The following ASAP1 variants were observed in gnomAD, a reference collection of about 807,000 sequenced individuals.
The protein encoded by ASAP1 is arf-GAP with SH3 domain, ANK repeat and PH domain-containing protein 1.
In ASAP1, 43 loss-of-function variants were observed where a neutral mutation model predicts 145.2. The observed-to-expected ratio is 0.30, with a 90% confidence interval of 0.23 to 0.38. The LOEUF (loss-of-function observed/expected upper bound fraction) is 0.38, where lower values mean the gene tolerates loss of function less well. Among genes scored for constraint, ASAP1 ranks in the 10% least tolerant of loss-of-function variants. The pLI, the probability that ASAP1 is intolerant of heterozygous loss-of-function variation, is 1.00. For synonymous variants in ASAP1, 546 were observed against 515.5 expected, an observed-to-expected ratio of 1.06 and a Z score of -0.80; for missense variants, 1,018 against 1,355.3, an observed-to-expected ratio of 0.75 and a Z score of 3.91.
chr8:130,414,569 C>T (rs1436107674), intron 1 of ASAP1, among the ~76,000 whole-genome samples: 1 of 152,160 alleles, frequency 6.6e-6, no homozygotes, highest in African/African-American at 2.4e-5. Flanking sequence ...TGAATCAGGC[C>T]TTGTGATTTC....
At chr8:130,128,139 ATT>A (rs745416119) in intron 15 of ASAP1, 49 bp from the exon 16 acceptor site, 22,872 of 176,780 alleles carry the variant, frequency 0.13, 13 homozygotes, top group Middle Eastern at 0.14. Flanking sequence ...GAGCATGGTC[ATT>A]TTTTTTTTTT....
chr8:130,267,098 G>T (rs1820294340), intron 3 of ASAP1, among the ~76,000 whole-genome samples: 1 of 126,404 alleles, frequency 7.9e-6, no homozygotes, highest in Non-Finnish European at 1.8e-5. Flanking sequence ...GTGAGACTCT[G>T]TCTCAAAACA....
intron 1 of ASAP1, among the ~76,000 whole-genome samples, chr8:130,426,199 CCTCT>C (rs988927321): frequency 2.0e-5 from 3 of 151,870 alleles, no homozygotes; most frequent in Non-Finnish European, 4.4e-5. Context: ...ACAGCTTCCT[CCTCT>C]CTCTCTCTTT....
chr8:130,390,388 C>G (rs983475260), intron 2 of ASAP1, among the ~76,000 whole-genome samples: 1 of 152,224 alleles, frequency 6.6e-6, no homozygotes, highest in Non-Finnish European at 1.5e-5. Context: ...CTAGGAATCT[C>G]AGACTGCCTG....
intron 1 of ASAP1, among the ~76,000 whole-genome samples, chr8:130,436,569 C>A (rs1413345280): frequency 1.3e-5 from 2 of 152,184 alleles, no homozygotes; most frequent in Non-Finnish European, 2.9e-5. Context: ...CCTTGGCCTC[C>A]CAAAGTGTTG....
intron 24 of ASAP1, among the ~76,000 whole-genome samples, chr8:130,099,336 G>A (rs573440042): frequency 6.6e-6 from 1 of 151,860 alleles, no homozygotes; most frequent in Admixed American, 6.6e-5. Flanking sequence ...CTGCCACCAC[G>A]CCTGGCTAAT....
chr8:130,282,479 A>T (rs1205560492), intron 3 of ASAP1, among the ~76,000 whole-genome samples: 2 of 152,198 alleles, frequency 1.3e-5, no homozygotes, highest in African/African-American at 4.8e-5. Context: ...AGGTTCACCA[A>T]TTGCAATACG....
chr8:130,146,739 AAC>A (rs1565015432), intron 13 of ASAP1, among the ~76,000 whole-genome samples: 1 of 152,216 alleles, frequency 6.6e-6, no homozygotes, highest in African/African-American at 2.4e-5. Flanking sequence ...GCAAGAAAAC[AAC>A]AGACCTTAGA....
chr8:130,062,568 G>C (rs971229571), intron 27 of ASAP1, among the ~76,000 whole-genome samples: 1 of 152,222 alleles, frequency 6.6e-6, no homozygotes, highest in African/African-American at 2.4e-5. Context: ...GGGAATCCCT[G>C]AGGTGGTGGG....
intron 3 of ASAP1, among the ~76,000 whole-genome samples, chr8:130,295,098 T>G (rs1238911185): frequency 6.6e-6 from 1 of 152,058 alleles, no homozygotes; most frequent in Non-Finnish European, 1.5e-5. Context: ...ACCCAGTCTC[T>G]ACAAAATAAT....
At chr8:130,245,988 CA>C (rs1818825713) in intron 3 of ASAP1, among the ~76,000 whole-genome samples, 1 of 152,074 alleles carries the variant, frequency 6.6e-6, no homozygotes, top group South Asian at 2.1e-4. Context: ...TCTTGCCTTT[CA>C]AAAGTCAGTC....
chr8:130,312,925 T>C (rs1339524362), intron 3 of ASAP1, among the ~76,000 whole-genome samples: 1 of 152,162 alleles, frequency 6.6e-6, no homozygotes, highest in Non-Finnish European at 1.5e-5. Flanking sequence ...GGCCAAAAGG[T>C]GTCCCCTCAT....
At chr8:130,414,963 G>C (rs1829415334) in intron 1 of ASAP1, among the ~76,000 whole-genome samples, 1 of 152,114 alleles carries the variant, frequency 6.6e-6, no homozygotes, top group Non-Finnish European at 1.5e-5. Context: ...TCACCATATT[G>C]GTCAGGCTAG....
intron 27 of ASAP1, among the ~76,000 whole-genome samples, chr8:130,072,537 A>G (rs1319650153): frequency 6.6e-6 from 1 of 151,818 alleles, no homozygotes; most frequent in African/African-American, 2.4e-5. Context: ...TTTTCTTTAT[A>G]AATTACCCAG....
At chr8:130,228,977 A>G (rs866985495) in intron 4 of ASAP1, among the ~76,000 whole-genome samples, 2 of 152,286 alleles carry the variant, frequency 1.3e-5, no homozygotes, top group South Asian at 4.1e-4. Context: ...AAACAAGTAC[A>G]TGTCTGATCA....
intron 3 of ASAP1, among the ~76,000 whole-genome samples, chr8:130,288,154 T>C (rs1191093046): frequency 6.6e-6 from 1 of 152,212 alleles, no homozygotes; most frequent in Non-Finnish European, 1.5e-5. Context: ...AATGCAAATA[T>C]GGGAAGCTTA....
intron 3 of ASAP1, among the ~76,000 whole-genome samples, chr8:130,257,079 T>C (rs958296427): frequency 1.3e-5 from 2 of 152,046 alleles, no homozygotes; most frequent in Admixed American, 6.6e-5. Flanking sequence ...GTAACTGTTT[T>C]CCAAATGTCC....
At chr8:130,233,746 T>C (rs1274399127) in intron 4 of ASAP1, among the ~76,000 whole-genome samples, 1 of 152,186 alleles carries the variant, frequency 6.6e-6, no homozygotes, top group Non-Finnish European at 1.5e-5. Flanking sequence ...TCTCCCCTAC[T>C]GGATTGTAAA....
intron 2 of ASAP1, among the ~76,000 whole-genome samples, chr8:130,389,362 A>G (rs950514852): frequency 4.9e-5 from 7 of 142,350 alleles, no homozygotes; most frequent in Non-Finnish European, 1.1e-4. Flanking sequence ...AAAGTCCAGG[A>G]CAAGGGAAAA....
Sources: gnomAD v4.1 joint callset for allele counts (sites outside exome capture counted in the v4.1 genomes callset) on GRCh38, gnomAD v4.1.1 for gene constraint, MANE v1.5 for transcripts, NCBI Gene and HGNC (gene_info 2026-07-23, HGNC 2026-07-21) for gene names.